Variants in TRIM2 observed in about 807,000 individuals in gnomAD.
TRIM2 encodes tripartite motif-containing protein 2.
Under a neutral mutation model 75.2 loss-of-function variants are expected in TRIM2, and 20 were observed. That is an observed-to-expected ratio of 0.27 (90% CI 0.19 to 0.39). TRIM2 has a LOEUF of 0.39. TRIM2 is among the 10% of genes least tolerant of loss of function. The probability of loss-of-function intolerance (pLI) is 1.00; values close to 1 mark genes in which losing one functional copy is unlikely to be tolerated. For missense variants in TRIM2, 660 were observed against 990.8 expected (o/e 0.67, Z 4.48); for synonymous variants, 373 against 388.3 (o/e 0.96, Z 0.46).
At chr4:153,297,318 G>T (rs72729626) in intron 6 of TRIM2, among the ~76,000 whole-genome samples, 9,663 of 152,274 alleles carry the variant, frequency 0.063, 410 homozygotes, top group Middle Eastern at 0.13. Context: ...GGACGAGCTT[G>T]GGTGGATGCA....
At chr4:153,204,426 G>A (rs1346309846), upstream of TRIM2, 1 of 1,363,734 alleles carries the variant, frequency 7.3e-7, no homozygotes, top group Non-Finnish European at 1.0e-6. Flanking sequence ...ATTTTAGTAA[G>A]GGCCACCCTT....
In TRIM2 at chr4:153,295,250, C is replaced by T; in HGVS notation, c.787-63C>T. 6.8e-7 allele frequency: 1 copy of T among 1,462,428 alleles called. No individual in the cohort carries two copies. The allele number at this position is 1,462,428 out of a possible 1,614,324, so 90.6% of individuals were successfully genotyped here. ...GAGTCTCCTTCTCGCCGGTGGAGGG[C>T]ACTGCCCCGGGCTAGGCCCCGCCCT... On this transcript the variant is annotated intron_variant, in intron 5 of 11. Coordinates refer to ENST00000338700, the MANE Select transcript of TRIM2 (RefSeq NM_015271.5). This position sits in a 1 kb window ranked among gnomAD's most constrained non-coding sequence, Gnocchi z 7.2.
chr4:153,189,465 C>T (rs1732958345), intron 1 of TRIM2, among the ~76,000 whole-genome samples: 1 of 152,174 alleles, frequency 6.6e-6, no homozygotes, highest in African/African-American at 2.4e-5. Flanking sequence ...TGAAGGTGAC[C>T]TGCTGTGGTC....
At chr4:153,162,125 A>G (rs554875319) in intron 1 of TRIM2, among the ~76,000 whole-genome samples, 9 of 152,202 alleles carry the variant, frequency 5.9e-5, no homozygotes, top group Non-Finnish European at 1.3e-4. Context: ...GCATTTAGTC[A>G]TTTAGCTTAC....
At chr4:153,185,308 G>A (rs913248395) in intron 1 of TRIM2, among the ~76,000 whole-genome samples, 9 of 152,166 alleles carry the variant, frequency 5.9e-5, no homozygotes, top group African/African-American at 1.9e-4. Context: ...TACATGACAG[G>A]CTCCCCGTCA....
intron 6 of TRIM2, chr4:153,308,263 A>C: frequency 6.4e-7 from 1 of 1,550,868 alleles, no homozygotes; most frequent in South Asian, 1.1e-5. Context: ...ATCAGCTTGC[A>C]GAAGTCACCA....
intron 1 of TRIM2, among the ~76,000 whole-genome samples, chr4:153,183,701 A>G (rs1006834566): frequency 3.3e-5 from 5 of 152,224 alleles, no homozygotes; most frequent in Non-Finnish European, 5.9e-5. Context: ...AGTTTGTACC[A>G]GTGTGTAAGA....
intron 1 of TRIM2, among the ~76,000 whole-genome samples, 198 bp from the exon 2 acceptor site, chr4:153,270,137 C>G (rs916540776): frequency 2.0e-5 from 3 of 151,972 alleles, no homozygotes; most frequent in African/African-American, 7.3e-5. Context: ...ACTGTGTTAG[C>G]CAGGAGGGTC....
chr4:153,183,156 G>T (rs1341345153), intron 1 of TRIM2, among the ~76,000 whole-genome samples: 1 of 152,164 alleles, frequency 6.6e-6, no homozygotes, highest in African/African-American at 2.4e-5. Flanking sequence ...TTCCTCCAAG[G>T]CCTCTCATGT....
intron 6 of TRIM2, chr4:153,308,792 C>A: frequency 2.1e-6 from 1 of 483,774 alleles, no homozygotes; most frequent in Non-Finnish European, 4.1e-6. Flanking sequence ...GGCACCAAGA[C>A]CTGAGAGCGT....
intron 2 of TRIM2, among the ~76,000 whole-genome samples, chr4:153,274,907 C>G (rs953837574): frequency 5.3e-5 from 8 of 152,176 alleles, no homozygotes; most frequent in African/African-American, 1.9e-4. Flanking sequence ...GGGCTAGCTA[C>G]CTCTGTGACA....
intron 1 of TRIM2, among the ~76,000 whole-genome samples, chr4:153,237,114 G>A (rs754633371): frequency 1.5e-4 from 23 of 152,134 alleles, no homozygotes; most frequent in Non-Finnish European, 2.9e-4. Context: ...ATTTGGTTGT[G>A]CTTTCTGCTT....
chr4:153,174,482 C>T (rs1292439398), intron 1 of TRIM2, among the ~76,000 whole-genome samples: 1 of 152,090 alleles, frequency 6.6e-6, no homozygotes, highest in Non-Finnish European at 1.5e-5. Context: ...AGGCCCCCTG[C>T]CCCCACCGGG....
intron 1 of TRIM2, among the ~76,000 whole-genome samples, chr4:153,211,176 G>A (rs567135986): frequency 6.6e-6 from 1 of 152,210 alleles, no homozygotes; most frequent in African/African-American, 2.4e-5. Flanking sequence ...TCCAGGTGTG[G>A]TTTTGGGGGC....
chr4:153,319,428 G>C (rs1029081114), intron 8 of TRIM2, among the ~76,000 whole-genome samples: 1 of 151,990 alleles, frequency 6.6e-6, no homozygotes, highest in Non-Finnish European at 1.5e-5. Context: ...CCAAAGGCAG[G>C]GTTAAAATAT....
At chr4:153,232,175 T>C (rs1446408286) in intron 1 of TRIM2, among the ~76,000 whole-genome samples, 1 of 152,136 alleles carries the variant, frequency 6.6e-6, no homozygotes, top group African/African-American at 2.4e-5. Flanking sequence ...ATATATCTTT[T>C]TGGAGGGAGG....
At chr4:153,293,171 G>A (rs1429459011) in intron 4 of TRIM2, 38 bp downstream of exon 4, 1 of 1,578,566 alleles carries the variant, frequency 6.3e-7, no homozygotes, top group East Asian at 2.3e-5. Flanking sequence ...CTGGCTGCCT[G>A]TACTTGAGGC....
In TRIM2 at chr4:153,281,257, T is replaced by C. The variant is rs190527353; in HGVS notation, c.453+5127T>C. Among the ~76,000 whole-genome samples the C allele has an allele frequency of 1.7e-3, 254 of 152,356 alleles. 2 individuals carry two copies. Among genetic ancestry groups the C allele is most frequent in the Non-Finnish European group, 2.0e-3 (134 of 68,036 alleles). On this transcript the variant is annotated intron_variant, in intron 3 of 11. Transcript: ENST00000338700. ...TAAATTGCTCTTCAGAAAGTTTACG[T>C]CAATTTGACAAAATATAATGAGTGT...
intron 11 of TRIM2, among the ~76,000 whole-genome samples, chr4:153,332,477 T>A (rs1022987353): frequency 3.3e-5 from 5 of 152,122 alleles, no homozygotes; most frequent in African/African-American, 1.2e-4. Context: ...AAACTGCGTC[T>A]CTACTAAAAA....
Sources: allele counts gnomAD v4.1 joint callset (sites outside exome capture counted in the v4.1 genomes callset), GRCh38; gene constraint gnomAD v4.1.1; non-coding constraint Gnocchi (gnomAD v3.1); transcripts MANE v1.5; gene names NCBI Gene and HGNC (gene_info 2026-07-23, HGNC 2026-07-21).